The following CADM2 variants were observed in gnomAD, a reference collection of about 807,000 sequenced individuals.
CADM2 encodes the protein cell adhesion molecule 2.
CADM2 carries 12 observed loss-of-function variants against 49.8 expected under a neutral mutation model. That is an observed-to-expected ratio of 0.24 (90% CI 0.15 to 0.39). The LOEUF is 0.39. Among genes scored for constraint, CADM2 ranks in the 10% least tolerant of loss-of-function variants. The pLI, the probability that CADM2 is intolerant of heterozygous loss-of-function variation, is 1.00. For synonymous variants in CADM2, 214 were observed against 175.4 expected (o/e 1.22, Z -1.74); for missense variants, 378 against 492.3 (o/e 0.77, Z 2.20).
At chr3:84,973,371 G>T (rs922074256) in intron 1 of CADM2, among the ~76,000 whole-genome samples, 1 of 151,938 alleles carries the variant, frequency 6.6e-6, no homozygotes, top group African/African-American at 2.4e-5. Flanking sequence ...TTAAATTTAA[G>T]GTTAAAGAGC....
intron 1 of CADM2, among the ~76,000 whole-genome samples, chr3:85,351,289 A>G (rs964402774): frequency 5.9e-5 from 9 of 152,196 alleles, no homozygotes; most frequent in Non-Finnish European, 8.8e-5. Flanking sequence ...ATCGCTTACC[A>G]TAGTGGTGGA....
chr3:85,645,220 C>T (rs980188139), intron 1 of CADM2, among the ~76,000 whole-genome samples: 15 of 151,812 alleles, frequency 9.9e-5, no homozygotes, highest in African/African-American at 3.6e-4. Context: ...TACTTTTCCC[C>T]ATATCATTTA....
intron 1 of CADM2, among the ~76,000 whole-genome samples, chr3:85,236,440 A>G (rs943580711): frequency 5.3e-5 from 8 of 152,052 alleles, no homozygotes; most frequent in African/African-American, 1.9e-4. Flanking sequence ...TTTGGTGTCA[A>G]AGTTATACTT....
intron 6 of CADM2, among the ~76,000 whole-genome samples, chr3:85,926,089 A>G (rs1214257074): frequency 6.6e-6 from 1 of 151,992 alleles, no homozygotes; most frequent in Non-Finnish European, 1.5e-5. Context: ...GTGAGCCGAG[A>G]TCATACCACT....
At chr3:85,947,263 A>G (rs1466537922) in intron 7 of CADM2, among the ~76,000 whole-genome samples, 1 of 151,840 alleles carries the variant, frequency 6.6e-6, no homozygotes, top group Non-Finnish European at 1.5e-5. Flanking sequence ...AATGCTATGT[A>G]TAAAATGTTA....
At chr3:85,554,509 G>C (rs2061899246) in intron 1 of CADM2, among the ~76,000 whole-genome samples, 1 of 152,090 alleles carries the variant, frequency 6.6e-6, no homozygotes, top group South Asian at 2.1e-4. Flanking sequence ...CGCTTAATAT[G>C]ATTTGAAAGA....
At chr3:84,979,038 G>A (rs1238488625) in intron 1 of CADM2, among the ~76,000 whole-genome samples, 1 of 152,144 alleles carries the variant, frequency 6.6e-6, no homozygotes, top group African/African-American at 2.4e-5. Context: ...CTCTCTAGAG[G>A]TCAGTTACTC....
intron 1 of CADM2, among the ~76,000 whole-genome samples, chr3:85,639,371 T>C (rs2064633032): frequency 6.6e-6 from 1 of 152,208 alleles, no homozygotes; most frequent in Non-Finnish European, 1.5e-5. Flanking sequence ...CTCCCGTGTT[T>C]ACTGTAACAT....
chr3:85,381,078 C>A (rs1273766163), intron 1 of CADM2, among the ~76,000 whole-genome samples: 1 of 151,782 alleles, frequency 6.6e-6, no homozygotes, highest in Non-Finnish European at 1.5e-5. Context: ...CCACTTATAC[C>A]CATGTATTTT....
intron 3 of CADM2, among the ~76,000 whole-genome samples, chr3:85,818,940 C>T (rs975102219): frequency 6.7e-5 from 10 of 150,162 alleles, no homozygotes; most frequent in Admixed American, 2.0e-4. Flanking sequence ...AATTGACTCA[C>T]ATGATCACCA....
intron 2 of CADM2, among the ~76,000 whole-genome samples, chr3:85,749,582 A>G (rs2107854003): frequency 6.7e-6 from 1 of 149,658 alleles, no homozygotes; most frequent in South Asian, 2.1e-4. Flanking sequence ...TGTGGTATAA[A>G]TAAATTTTAA....
intron 1 of CADM2, among the ~76,000 whole-genome samples, chr3:85,019,255 A>G (rs2034393177): frequency 1.3e-5 from 2 of 152,114 alleles, no homozygotes; most frequent in Non-Finnish European, 2.9e-5. Flanking sequence ...GCCTGAAGGA[A>G]GAGGATTGCT....
intron 1 of CADM2, among the ~76,000 whole-genome samples, chr3:85,336,984 AT>A (rs1396454051): frequency 8.3e-6 from 1 of 119,950 alleles, no homozygotes; most frequent in Non-Finnish European, 1.8e-5. Flanking sequence ...TATTTAATAT[AT>A]ATATATTTAA....
chr3:85,121,449 A>G (rs931197774), intron 1 of CADM2, among the ~76,000 whole-genome samples: 6 of 152,164 alleles, frequency 3.9e-5, no homozygotes, highest in African/African-American at 1.4e-4. Flanking sequence ...AATCACTAAG[A>G]GGCAGGAGGA....
intron 2 of CADM2, among the ~76,000 whole-genome samples, chr3:85,778,881 G>A (rs1019004776): frequency 1.3e-5 from 2 of 152,080 alleles, no homozygotes; most frequent in South Asian, 4.1e-4. Context: ...AAATTTTAAA[G>A]ACACACTCTT....
intron 1 of CADM2, among the ~76,000 whole-genome samples, chr3:85,134,420 C>T (rs561773343): frequency 1.3e-4 from 20 of 152,386 alleles, no homozygotes; most frequent in African/African-American, 4.3e-4. Context: ...ACGCTGTCAC[C>T]TCTCAATACC....
At chr3:85,267,078 T>A (rs1312851108) in intron 1 of CADM2, among the ~76,000 whole-genome samples, 2 of 151,884 alleles carry the variant, frequency 1.3e-5, no homozygotes, top group African/African-American at 2.4e-5. Flanking sequence ...ATGTTATGAA[T>A]AAATTGCAAA....
intron 1 of CADM2, among the ~76,000 whole-genome samples, chr3:85,276,267 T>C (rs1490740438): frequency 6.6e-6 from 1 of 151,302 alleles, no homozygotes; most frequent in African/African-American, 2.4e-5. Flanking sequence ...TCCATTTCCA[T>C]ATGATGTTAT....
chr3:85,642,727 C>T (rs757089701), intron 1 of CADM2, among the ~76,000 whole-genome samples: 17 of 152,176 alleles, frequency 1.1e-4, no homozygotes, highest in Admixed American at 2.6e-4. Context: ...TGAAATATCT[C>T]ATAGAAAAGA....
Sources: allele counts gnomAD v4.1 joint callset (sites outside exome capture counted in the v4.1 genomes callset), GRCh38; gene constraint gnomAD v4.1.1; transcripts MANE v1.5; gene names NCBI Gene and HGNC (gene_info 2026-07-23, HGNC 2026-07-21).